CHRM4: variants seen among roughly 807,000 people sequenced by gnomAD.
CHRM4 encodes muscarinic acetylcholine receptor M4.
Under a neutral mutation model 26.3 loss-of-function variants are expected in CHRM4, and 5 were observed. The ratio of observed to expected loss-of-function variants is 0.19; its 90% confidence interval spans 0.10 to 0.40. The LOEUF is 0.40. CHRM4 is among the 10% of genes least tolerant of loss of function. The pLI is 1.00. For missense variants in CHRM4, 402 were observed against 664.5 expected (o/e 0.60, Z 4.34); for synonymous variants, 290 against 285.3 (o/e 1.02, Z -0.16).
chr11:46,387,729 G>A (rs1945355352), intron 1 of CHRM4, among the ~76,000 whole-genome samples: 1 of 152,200 alleles, frequency 6.6e-6, no homozygotes. Flanking sequence ...GAGGAGGAGA[G>A]TCCCTGCAGA....
chr11:46,386,018 C>A lies in CHRM4; in HGVS notation c.540G>T (p.Val180=). Residue 180 remains valine (V), a synonymous_variant, in exon 2 of 2, where the codon GTG becomes GTT. Transcript: ENST00000682254. This position sits in a 1 kb window ranked among gnomAD's most constrained non-coding sequence, Gnocchi z 5.8. Reference sequence around the variant, plus strand: ...ACTGGATGAAGCACTGGTTGTCGGGCACCGTCCGCTTACCCACCACAAACT... The same window carrying A: ...ACTGGATGAAGCACTGGTTGTCGGGAACCGTCCGCTTACCCACCACAAACT... ...FWQFVVGKRT[V]PDNQCFIQFL... 1 of 1,613,184 alleles carries A rather than the reference C, an allele frequency of 6.2e-7. No homozygotes were observed. The highest frequency in any genetic ancestry group is 8.5e-7 in the Non-Finnish European group (1 of 1,179,804).
Position 46,384,716 on chromosome 11 carries a change from TCTA to T in CHRM4, c.*399_*401del, listed in dbSNP as rs1282778655. Among the ~76,000 whole-genome samples, 2 of 152,196 alleles carry T rather than the reference TCTA, an allele frequency of 1.3e-5. No individual in the cohort carries two copies. Among genetic ancestry groups the T allele is most frequent in the Non-Finnish European group, 2.9e-5 (2 of 68,018 alleles). ...ACAGCAGAATGGGGGACCCCACCCT[TCTA>T]CTCCCTTCCCAAGCCTCCTTTTCCA... is the stretch of plus-strand genomic sequence containing the variant. On this transcript the variant is annotated 3_prime_UTR_variant, in exon 2 of 2. Coordinates refer to ENST00000682254, the MANE Select transcript of CHRM4 (RefSeq NM_000741.5).
At position 46,384,289 on chromosome 11, in the gene CHRM4, G is replaced by GCCTC. The variant is rs1222533321; in HGVS notation, c.*825_*828dup. ...CTTTCCTCTTGCCTGTGTGACCCAG[G>GCCTC]CCTCCACCCTGCAGAAGCCAGGGGG... On this transcript the variant is annotated 3_prime_UTR_variant, in exon 2 of 2. Coordinates refer to ENST00000682254, the MANE Select transcript of CHRM4 (RefSeq NM_000741.5). Among the ~76,000 whole-genome samples the GCCTC allele has an allele frequency of 1.3e-5, 2 of 152,220 alleles. No homozygotes were observed. Among genetic ancestry groups the GCCTC allele is most frequent in the Non-Finnish European group, 2.9e-5 (2 of 68,040 alleles).
Position 46,385,605 on chromosome 11 carries a change from G to T in CHRM4, c.953C>A (p.Ala318Asp). Residue 318 changes from alanine to aspartate, a missense_variant, in exon 2 of 2, where the codon GCC becomes GAC. Physicochemically the swap from Ala to Asp is moderately radical, Grantham distance 126. Transcript: ENST00000682254. This position sits in a 1 kb window ranked among gnomAD's most constrained non-coding sequence, Gnocchi z 6.3. ...RPATELSTTE[A>D]TTPAMPAPPL... ...AGGGGCGGGCATGGCGGGCGTGGTGGCCTCTGTGGTGGACAGCTCTGTGGC... is the reference window on the plus strand; with the variant it reads ...AGGGGCGGGCATGGCGGGCGTGGTGTCCTCTGTGGTGGACAGCTCTGTGGC... 1 of 1,547,394 alleles carries T rather than the reference G, an allele frequency of 6.5e-7. No individual in the cohort carries two copies. Among genetic ancestry groups the T allele is most frequent in the Non-Finnish European group, 8.7e-7 (1 of 1,144,460 alleles).
chr11:46,383,801 A>C lies in CHRM4; in HGVS notation c.*1317T>G. 8.7e-6 allele frequency: 4 copies of C among 457,874 alleles called. No individual in the cohort carries two copies. Among genetic ancestry groups the C allele is most frequent in the Non-Finnish European group, 4.1e-6 (1 of 243,860 alleles). The allele number at this position is 457,874 out of a possible 1,614,324, so 28.4% of individuals were successfully genotyped here. On this transcript the variant is annotated 3_prime_UTR_variant, in exon 2 of 2. Transcript: ENST00000682254. ...CAAATAAACTGACTTTTTCCCCCCA[A>C]TAAAAGCTCTTCTTTTTTAATATAT...
In CHRM4 at chr11:46,391,426, C is replaced by T. The variant is rs1945391524; in HGVS notation, c.-30+105G>A. Among the ~76,000 whole-genome samples, 1 of 152,020 alleles carries T rather than the reference C, an allele frequency of 6.6e-6. No individual in the cohort carries two copies. The highest frequency in any genetic ancestry group is 6.5e-5 in the Admixed American group (1 of 15,280). On this transcript the variant is annotated intron_variant, in intron 1 of 1. Transcript: ENST00000682254. This position sits in a 1 kb window ranked among gnomAD's most constrained non-coding sequence, Gnocchi z 6.3. ...GCGCACCTGGAGAAGCCTCCGAGAG[C>T]CCCCGGCCTTGCTTCCAGCGGGGTC...
Position 46,385,066 on chromosome 11 carries a change from C to A in CHRM4, c.*52G>T. 3 of 1,507,408 alleles carry A rather than the reference C, an allele frequency of 2.0e-6. No homozygotes were observed. The highest frequency in any genetic ancestry group is 1.4e-5 in the African/African-American group (1 of 72,736). The allele number at this position is 1,507,408 out of a possible 1,614,324, so 93.4% of individuals were successfully genotyped here. ...CCCCACAGCAAGTGAGCCGTGTGGT[C>A]CCCCCAGCACACGCACGCAACACCA... On this transcript the variant is annotated 3_prime_UTR_variant, in exon 2 of 2. Coordinates refer to ENST00000682254, the MANE Select transcript of CHRM4 (RefSeq NM_000741.5). The surrounding 1 kb of genome is among the most constrained non-coding windows in gnomAD (Gnocchi z 6.3).
rs781124192 is a variant in CHRM4, at chr11:46,385,802, C to T, written c.756G>A (p.Gln252=). 2 of 1,596,306 alleles carry T rather than the reference C, an allele frequency of 1.3e-6. No individual in the cohort carries two copies. The highest frequency in any genetic ancestry group is 1.7e-6 in the Non-Finnish European group (2 of 1,170,888). ...LAFLKSPLMK[Q]SVKKPPPGEA... ...CCCCGGGCGGGGGCTTCTTGACGCT[C>T]TGCTTCATTAGTGGGCTCTTGAGGA... is the stretch of plus-strand genomic sequence containing the variant. The change falls in exon 2 of 2, where the codon CAG becomes CAA. Residue 252 remains glutamine (Q), a synonymous_variant. Transcript: ENST00000682254. The surrounding 1 kb of genome is among the most constrained non-coding windows in gnomAD (Gnocchi z 6.3).
rs1215636788 is a variant in CHRM4 at position 46,384,188 on chromosome 11, G to A, written c.*930C>T. 6.6e-6 allele frequency among the ~76,000 whole-genome samples: 1 copy of A among 152,186 alleles called. No individual in the cohort carries two copies. Among genetic ancestry groups the A allele is most frequent in the East Asian group, 1.9e-4 (1 of 5,200 alleles). ...CCCATGGGGGAGAGCAGATGCGAGG[G>A]CTGCGTGCCTACCTCACTGCCCACC... On this transcript the variant is annotated 3_prime_UTR_variant, in exon 2 of 2. Transcript: ENST00000682254.
chr11:46,390,791 C>T lies in CHRM4; in HGVS notation c.-30+740G>A, dbSNP rs145561092. Among the ~76,000 whole-genome samples the T allele has an allele frequency of 1.7e-3, 252 of 152,396 alleles. 1 individual carries two copies. The highest frequency in any genetic ancestry group is 5.8e-3 in the African/African-American group (242 of 41,600). ...CTCTGGGCGTGGGCACTGTGTTTCC[C>T]GAGTCCTCGACACCCCTCTTCCCCG... On this transcript the variant is annotated intron_variant, in intron 1 of 1. Coordinates refer to ENST00000682254, the MANE Select transcript of CHRM4 (RefSeq NM_000741.5).
In CHRM4 at chr11:46,383,955, A is replaced by G; in HGVS notation, c.*1163T>C. On this transcript the variant is annotated 3_prime_UTR_variant, in exon 2 of 2. Coordinates refer to ENST00000682254, the MANE Select transcript of CHRM4 (RefSeq NM_000741.5). The stretch of plus-strand genomic sequence containing the variant: ...GGTGGGTGCTCTCCAGAGCTCATGG[A>G]AAAAGCAGAACAATTACAAACATTT... 4.0e-6 allele frequency: 1 copy of G among 248,862 alleles called. No individual in the cohort carries two copies. Among genetic ancestry groups the G allele is most frequent in the Non-Finnish European group, 8.0e-6 (1 of 124,502 alleles). The allele number at this position is 248,862 out of a possible 1,614,324, so 15.4% of individuals were successfully genotyped here.
At chr11:46,389,730 C>T (rs1373768732) in intron 1 of CHRM4, among the ~76,000 whole-genome samples, 1 of 152,224 alleles carries the variant, frequency 6.6e-6, no homozygotes, top group Admixed American at 6.5e-5. Flanking sequence ...CGTCGGACGC[C>T]GCCCCAGAGC....
Position 46,385,536 on chromosome 11 carries a change from T to A in CHRM4, c.1022A>T (p.Lys341Met), listed in dbSNP as rs745430456. 3 of 1,578,550 alleles carry A rather than the reference T, an allele frequency of 1.9e-6. No homozygotes were observed. The highest frequency in any genetic ancestry group is 2.7e-5 in the African/African-American group (2 of 74,480). Residue 341 changes from lysine (K) to methionine (M), a missense_variant, in exon 2 of 2, where the codon AAG becomes ATG. By Grantham distance (95) the Lys-to-Met change is moderately conservative. Around this residue, in one of 5 missense-constraint regions of CHRM4, gnomAD observed 205 missense variants for 244.0 expected, o/e 0.84. Coordinates refer to ENST00000682254, the MANE Select transcript of CHRM4 (RefSeq NM_000741.5). This position sits in a 1 kb window ranked among gnomAD's most constrained non-coding sequence, Gnocchi z 6.3. ...RALNPASRWS[K>M]IQIVTKQTGN... The stretch of plus-strand genomic sequence containing the variant: ...TGTCTGCTTCGTCACAATCTGGATC[T>A]TGGACCATCTGGAGGCTGGGTTGAG...
rs903910162 is a variant in CHRM4 at position 46,384,706 on chromosome 11, A to C, written c.*412T>G. The stretch of plus-strand genomic sequence containing the variant: ...AGCACCGATTACAGCAGAATGGGGG[A>C]CCCCACCCTTCTACTCCCTTCCCAA... On this transcript the variant is annotated 3_prime_UTR_variant, in exon 2 of 2. Coordinates refer to ENST00000682254, the MANE Select transcript of CHRM4 (RefSeq NM_000741.5). Among the ~76,000 whole-genome samples the C allele has an allele frequency of 6.6e-6, 1 of 151,932 alleles. No homozygotes were observed. Among genetic ancestry groups the C allele is most frequent in the African/African-American group, 2.4e-5 (1 of 41,310 alleles).
At position 46,385,958 on chromosome 11, in the gene CHRM4, G is replaced by A. The variant is rs748312893; in HGVS notation, c.600C>T (p.Ala200=). 2 of 1,612,828 alleles carry A rather than the reference G, an allele frequency of 1.2e-6. No homozygotes were observed. The highest frequency in any genetic ancestry group is 1.7e-6 in the Non-Finnish European group (2 of 1,179,690). Residue 200 remains alanine, a synonymous_variant, in exon 2 of 2, where the codon GCC becomes GCT. Coordinates refer to ENST00000682254, the MANE Select transcript of CHRM4 (RefSeq NM_000741.5). The surrounding 1 kb of genome is among the most constrained non-coding windows in gnomAD (Gnocchi z 6.3). ...CCACAGGCAGGTAGAAGGCAGCAAT[G>A]GCTGTGCCAAAGGTCACTGCTGGGT... ...LSNPAVTFGT[A]IAAFYLPVVI... is the part of the protein sequence containing the mutation.
Position 46,385,356 on chromosome 11 carries a change from G to A in CHRM4, c.1202C>T (p.Thr401Met). Reference sequence around the variant, plus strand: ...GAAGGCTAGCAGAATGGCAAAGATCGTTCGTGTCACTTTGCGCTCCCGGGC... The same window carrying A: ...GAAGGCTAGCAGAATGGCAAAGATCATTCGTGTCACTTTGCGCTCCCGGGC... ...MAARERKVTRTIFAILLAFIL... is the reference protein window; with the variant it reads ...MAARERKVTRMIFAILLAFIL... Residue 401 changes from threonine (T) to methionine (M), a missense_variant, in exon 2 of 2, where the codon ACG becomes ATG. Coordinates refer to ENST00000682254, the MANE Select transcript of CHRM4 (RefSeq NM_000741.5). The surrounding 1 kb of genome is among the most constrained non-coding windows in gnomAD (Gnocchi z 6.3). 1.2e-6 allele frequency: 2 copies of A among 1,610,128 alleles called. No homozygotes were observed. The highest frequency in any genetic ancestry group is 1.7e-6 in the Non-Finnish European group (2 of 1,176,676).
chr11:46,389,317 G>A (rs908062296), intron 1 of CHRM4, among the ~76,000 whole-genome samples: 2 of 152,208 alleles, frequency 1.3e-5, no homozygotes, highest in Non-Finnish European at 2.9e-5. Context: ...AGATCCTGGC[G>A]GCTGGGCTGA....
At chr11:46,389,611 G>A (rs78061130) in intron 1 of CHRM4, among the ~76,000 whole-genome samples, 2,671 of 152,326 alleles carry the variant, frequency 0.018, 91 homozygotes, top group South Asian at 0.15. Flanking sequence ...GACCTAGACC[G>A]TGCGGCCGCC....
At chr11:46,389,738 AGCTGCCCTCG>A (rs1405108267) in intron 1 of CHRM4, among the ~76,000 whole-genome samples, 4 of 152,012 alleles carry the variant, frequency 2.6e-5, no homozygotes, top group Non-Finnish European at 5.9e-5. Flanking sequence ...GCCGCCCCAG[AGCTGCCCTCG>A]GCTCCGCGCG....
Sources: gnomAD v4.1 joint callset for allele counts (sites outside exome capture counted in the v4.1 genomes callset) on GRCh38, gnomAD v4.1.1 for gene constraint, gnomAD v4.1.1 regional missense constraint, Gnocchi (gnomAD v3.1) non-coding constraint, MANE v1.5 for transcripts, NCBI Gene and HGNC (gene_info 2026-07-23, HGNC 2026-07-21) for gene names.